Variants in FHL2 observed in about 807,000 individuals in gnomAD.
The protein encoded by FHL2 is four and a half LIM domains protein 2.
In FHL2, 20 loss-of-function variants were observed where a neutral mutation model predicts 32.7. The observed-to-expected ratio is 0.61, with a 90% CI of 0.43 to 0.89. The LOEUF (loss-of-function observed/expected upper bound fraction) is 0.89, where lower values mean the gene tolerates loss of function less well. FHL2 is among the 40% of genes least tolerant of loss of function. The probability of loss-of-function intolerance (pLI) is 0.00; values close to 1 mark genes in which losing one functional copy is unlikely to be tolerated. For synonymous variants in FHL2, 123 were observed against 128.1 expected (o/e 0.96, Z 0.27); for missense variants, 311 against 358.6 (o/e 0.87, Z 1.07).
intron 1 of FHL2, among the ~76,000 whole-genome samples, chr2:105,417,143 G>C (rs1034828953): frequency 6.6e-6 from 1 of 152,150 alleles, no homozygotes; most frequent in Non-Finnish European, 1.5e-5. Flanking sequence ...CAGCACTTTG[G>C]GAGGCCAAGG....
intron 4 of FHL2, among the ~76,000 whole-genome samples, chr2:105,369,208 C>T (rs958259980): frequency 2.0e-5 from 3 of 152,126 alleles, no homozygotes; most frequent in African/African-American, 7.2e-5. Flanking sequence ...GGAATCAAGC[C>T]GACAGAGGGA....
chr2:105,386,144 C>A (rs1392288948), intron 3 of FHL2: 1 of 495,796 alleles, frequency 2.0e-6, no homozygotes, highest in Non-Finnish European at 3.5e-6. Context: ...ATACTAAGCA[C>A]AAAAGTCCTG....
intron 1 of FHL2, among the ~76,000 whole-genome samples, chr2:105,408,053 G>A (rs572821487): frequency 5.3e-5 from 8 of 152,126 alleles, no homozygotes; most frequent in Non-Finnish European, 7.3e-5. Context: ...TTCCATAAAG[G>A]TTCTTTCATC....
intron 2 of FHL2, among the ~76,000 whole-genome samples, chr2:105,394,600 GGAAAGAAA>G (rs755342586): frequency 2.7e-5 from 4 of 148,852 alleles, no homozygotes; most frequent in East Asian, 3.9e-4. Context: ...AAGAAAAGAA[GGAAAGAAA>G]GAAAGAAAGA....
intron 3 of FHL2, among the ~76,000 whole-genome samples, chr2:105,382,617 G>A (rs368465111): frequency 8.5e-5 from 13 of 152,174 alleles, no homozygotes; most frequent in African/African-American, 3.1e-4. Context: ...AATACACAGT[G>A]GTTTCAAAGA....
chr2:105,434,307 C>T (rs971268485), intron 1 of FHL2, among the ~76,000 whole-genome samples: 1 of 152,236 alleles, frequency 6.6e-6, no homozygotes, highest in African/African-American at 2.4e-5. Context: ...CACGGTGGCT[C>T]ACGCCTGTAA....
At chr2:105,390,596 C>A (rs1414479231) in intron 2 of FHL2, among the ~76,000 whole-genome samples, 1 of 152,188 alleles carries the variant, frequency 6.6e-6, no homozygotes, top group African/African-American at 2.4e-5. Context: ...AAATGAGCAA[C>A]TGCTGCTACC....
intron 1 of FHL2, among the ~76,000 whole-genome samples, chr2:105,397,374 AACAACCCTAACAAAAAG>A (rs1290201644): frequency 6.6e-6 from 1 of 152,124 alleles, no homozygotes; most frequent in Non-Finnish European, 1.5e-5. Flanking sequence ...CAGGCTTCTT[AACAACCCTAACAAAAAG>A]ACAACATCAT....
chr2:105,399,599 C>T, upstream of FHL2: 1 of 1,531,786 alleles, frequency 6.5e-7, no homozygotes, highest in Non-Finnish European at 8.7e-7. Context: ...CTATCCCCAC[C>T]TCTCCCTCTC....
chr2:105,398,958 G>A lies in FHL2; in HGVS notation c.-192C>T. 1 of 1,531,888 alleles carries A rather than the reference G, an allele frequency of 6.5e-7. No homozygotes were observed. The highest frequency in any genetic ancestry group is 8.7e-7 in the Non-Finnish European group (1 of 1,143,618). 94.9% of individuals were successfully genotyped at this position (1,531,888 alleles called of 1,614,324 possible). On this transcript the variant is annotated 5_prime_UTR_variant, in exon 1 of 7. Transcript: ENST00000530340. ...GCCTCCCTCCGGGGCGCAGGGGGTTGGAGGTACTCACGGCACCGCAGCGGG... is the reference window on the plus strand; with the variant it reads ...GCCTCCCTCCGGGGCGCAGGGGGTTAGAGGTACTCACGGCACCGCAGCGGG...
chr2:105,415,986 T>A (rs1478205645), intron 1 of FHL2, among the ~76,000 whole-genome samples: 1 of 152,204 alleles, frequency 6.6e-6, no homozygotes, highest in Non-Finnish European at 1.5e-5. Context: ...CCATATTCAA[T>A]CAATTTCAAG....
In FHL2 at chr2:105,367,719, T is replaced by G. The variant is rs759363559; in HGVS notation, c.352A>C (p.Lys118Gln). 9.3e-6 allele frequency: 15 copies of G among 1,614,124 alleles called. No homozygotes were observed. The highest frequency in any genetic ancestry group is 1.2e-5 in the Non-Finnish European group (14 of 1,179,980). ...IMPGTRKMEY[K>Q]GSSWHETCFI... Reference sequence around the variant, plus strand: ...CAGGTCTCATGCCAGCTGCTGCCCTTGTACTCCATCTTGCGGGTACCTGTC... The same window carrying G: ...CAGGTCTCATGCCAGCTGCTGCCCTGGTACTCCATCTTGCGGGTACCTGTC... Residue 118 changes from lysine to glutamine, a missense_variant, in exon 5 of 7, where the codon AAG becomes CAG. Coordinates refer to ENST00000530340, the MANE Select transcript of FHL2 (RefSeq NM_001318895.3).
At chr2:105,398,514 G>A (rs1300255748) in intron 1 of FHL2, among the ~76,000 whole-genome samples, 1 of 152,142 alleles carries the variant, frequency 6.6e-6, no homozygotes, top group African/African-American at 2.4e-5. Flanking sequence ...CGCAGCCGCC[G>A]GCTGGGACCC....
chr2:105,393,566 A>T (rs796579517), intron 2 of FHL2, among the ~76,000 whole-genome samples: 2 of 152,192 alleles, frequency 1.3e-5, no homozygotes, highest in African/African-American at 4.8e-5. Flanking sequence ...AAGGGTGCCC[A>T]CTACCTGTCG....
Position 105,386,239 on chromosome 2 carries a change from G to A in FHL2, c.156+122C>T, listed in dbSNP as rs541745428. ...CCGAAAGGCTACACGCAGGGTCCAC[G>A]CCCCTCAGAGGGGGCTCAAGAGACA... On this transcript the variant is annotated intron_variant, in intron 3 of 6. Transcript: ENST00000530340. 56 of 1,121,096 alleles carry A rather than the reference G, an allele frequency of 5.0e-5. No individual in the cohort carries two copies. The African/African-American group carries it at 5.3e-4, about 11-fold the overall frequency. 69.4% of individuals were successfully genotyped at this position (1,121,096 alleles called of 1,614,324 possible).
upstream of FHL2, among the ~76,000 whole-genome samples, chr2:105,404,006 G>C (rs957431176): frequency 2.6e-5 from 4 of 152,144 alleles, no homozygotes; most frequent in African/African-American, 9.7e-5. Context: ...TGGGGTCGTG[G>C]GGGGGAGGCT....
At chr2:105,423,073 T>A (rs895819295) in intron 1 of FHL2, among the ~76,000 whole-genome samples, 1 of 152,158 alleles carries the variant, frequency 6.6e-6, no homozygotes, top group African/African-American at 2.4e-5. Flanking sequence ...GGAAGTGGTA[T>A]CAAGCGTCAG....
In FHL2 at chr2:105,387,242, G is replaced by A. The variant is rs142548655; in HGVS notation, c.-24-702C>T. On this transcript the variant is annotated intron_variant, in intron 2 of 6. Transcript: ENST00000530340. ...AGAAAGGCAGGCATAGAAATAATAC[G>A]TCCATTTCTATAAAAAGATTTTCCG... is the stretch of plus-strand genomic sequence containing the variant. Among the ~76,000 whole-genome samples, 491 of 152,216 alleles carry A rather than the reference G, an allele frequency of 3.2e-3. 3 individuals carry two copies. The Middle Eastern group carries it at 0.041, about 13-fold the overall frequency.
At chr2:105,382,109 T>C (rs1049311756) in intron 3 of FHL2, among the ~76,000 whole-genome samples, 2 of 152,244 alleles carry the variant, frequency 1.3e-5, no homozygotes, top group Non-Finnish European at 2.9e-5. Flanking sequence ...TTCTGTCCAT[T>C]ACCAAACATT....
Sources: allele counts gnomAD v4.1 joint callset (sites outside exome capture counted in the v4.1 genomes callset), GRCh38; gene constraint gnomAD v4.1.1; transcripts MANE v1.5; gene names NCBI Gene and HGNC (gene_info 2026-07-23, HGNC 2026-07-21).